The following ADORA2B variants were observed in gnomAD, a reference collection of about 807,000 sequenced individuals.
ADORA2B encodes adenosine receptor A2b.
A neutral mutation model predicts 20.8 loss-of-function variants in ADORA2B; 18 were observed. The observed-to-expected ratio is 0.87, with a 90% CI of 0.60 to 1.29. The LOEUF is 1.29. Ranked by LOEUF, ADORA2B falls within the 50% of genes most tolerant of loss-of-function variation. The pLI is 0.00. For synonymous variants in ADORA2B, 179 were observed against 178.3 expected (o/e 1.00, Z -0.03); for missense variants, 441 against 422.7 (o/e 1.04, Z -0.38).
At chr17:15,926,629 C>T in the ADORA2B span, among the ~76,000 whole-genome samples, 1 of 152,080 alleles carries the variant, frequency 6.6e-6, no homozygotes, top group Non-Finnish European at 1.5e-5. Context: ...TAGGGAATGG[C>T]TCATGAGAGA....
At chr17:15,914,139 A>G in the ADORA2B span, among the ~76,000 whole-genome samples, 638 of 152,354 alleles carry the variant, frequency 4.2e-3, 8 homozygotes, top group African/African-American at 0.015. Context: ...AGGCATTTCA[A>G]ACACACATTT....
the ADORA2B span, among the ~76,000 whole-genome samples, chr17:15,912,786 C>T: frequency 6.6e-6 from 1 of 152,368 alleles, no homozygotes; most frequent in African/African-American, 2.4e-5. Flanking sequence ...ACGATCTCTT[C>T]CGTATTTGCC....
rs1416189307 is a variant in ADORA2B at position 15,945,227 on chromosome 17, C to T, written c.-22C>T. ...CCGGCGCGCCTTCGGTAGGGGGCGC[C>T]CGGGGCCCAGCTGGCCCGGCCATGC... On this transcript the variant is annotated 5_prime_UTR_variant, in exon 1 of 2. Transcript: ENST00000304222. 1 of 1,388,706 alleles carries T rather than the reference C, an allele frequency of 7.2e-7. No homozygotes were observed. The highest frequency in any genetic ancestry group is 3.0e-5 in the East Asian group (1 of 33,846). The allele number at this position is 1,388,706 out of a possible 1,614,324, so 86.0% of individuals were successfully genotyped here. A position where few individuals can be genotyped will look rare whatever the true frequency, so the allele number is the denominator to read the frequency against.
At chr17:15,933,951 C>T in the ADORA2B span, among the ~76,000 whole-genome samples, 1 of 152,140 alleles carries the variant, frequency 6.6e-6, no homozygotes, top group South Asian at 2.1e-4. Context: ...GGAATGCTTG[C>T]AGTCTTTTAT....
intron 1 of ADORA2B, among the ~76,000 whole-genome samples, chr17:15,969,934 T>A (rs960151037): frequency 6.6e-6 from 1 of 152,248 alleles, no homozygotes; most frequent in African/African-American, 2.4e-5. Flanking sequence ...CTCATTTTCC[T>A]GCATGAAAGC....
chr17:15,866,911 A>G, the ADORA2B span, among the ~76,000 whole-genome samples: 3 of 151,870 alleles, frequency 2.0e-5, no homozygotes, highest in Non-Finnish European at 4.4e-5. Flanking sequence ...CAGCCTGCCG[A>G]GTGCCTGCGA....
chr17:15,877,769 T>C, the ADORA2B span, among the ~76,000 whole-genome samples: 17 of 152,072 alleles, frequency 1.1e-4, no homozygotes, highest in Non-Finnish European at 1.8e-4. Flanking sequence ...AACCCAGTCC[T>C]CCTGTTTTTA....
intron 1 of ADORA2B, among the ~76,000 whole-genome samples, chr17:15,964,743 A>T (rs1408108406): frequency 2.6e-5 from 4 of 151,512 alleles, no homozygotes; most frequent in African/African-American, 9.8e-5. Context: ...TACCATAGGA[A>T]ATCTGAAAAA....
At chr17:15,945,101 C>G (rs1177425749), upstream of ADORA2B, 4 of 642,654 alleles carry the variant, frequency 6.2e-6, no homozygotes, top group Non-Finnish European at 8.8e-6. Context: ...CCGTGGGTCC[C>G]GGCCACCAGC....
chr17:15,869,405 G>A, the ADORA2B span, among the ~76,000 whole-genome samples: 1 of 151,692 alleles, frequency 6.6e-6, no homozygotes, highest in Non-Finnish European at 1.5e-5. Context: ...TAGTAATCTA[G>A]TTTTTACTTG....
chr17:15,911,113 A>C, the ADORA2B span, among the ~76,000 whole-genome samples: 1 of 152,332 alleles, frequency 6.6e-6, no homozygotes, highest in Middle Eastern at 3.4e-3. Context: ...CAGGGCAGGC[A>C]GCCTGTGGGA....
the ADORA2B span, among the ~76,000 whole-genome samples, chr17:15,865,338 T>C: frequency 6.6e-6 from 1 of 151,926 alleles, no homozygotes; most frequent in Non-Finnish European, 1.5e-5. Flanking sequence ...CTCGGCTCAC[T>C]GCAACCTCTG....
chr17:15,920,631 G>C, the ADORA2B span, among the ~76,000 whole-genome samples: 1 of 150,148 alleles, frequency 6.7e-6, no homozygotes, highest in East Asian at 2.0e-4. Flanking sequence ...TGAGGCAGGA[G>C]AATCACTTGA....
intron 1 of ADORA2B, among the ~76,000 whole-genome samples, chr17:15,952,545 T>C (rs1969918805): frequency 6.6e-6 from 1 of 151,664 alleles, no homozygotes; most frequent in African/African-American, 2.4e-5. Context: ...CACCCCGAGG[T>C]CACCCCCAAA....
the ADORA2B span, among the ~76,000 whole-genome samples, chr17:15,857,906 A>C: frequency 1.3e-5 from 2 of 149,798 alleles, no homozygotes; most frequent in African/African-American, 4.9e-5. Context: ...TTTATGTTGT[A>C]GCATGAGACA....
At chr17:15,882,811 T>C in the ADORA2B span, among the ~76,000 whole-genome samples, 1 of 152,148 alleles carries the variant, frequency 6.6e-6, no homozygotes, top group Non-Finnish European at 1.5e-5. Flanking sequence ...TTTGTCGTCT[T>C]TCCTCCCATG....
chr17:15,922,203 T>C, the ADORA2B span, among the ~76,000 whole-genome samples: 2 of 152,212 alleles, frequency 1.3e-5, no homozygotes, highest in African/African-American at 4.8e-5. Flanking sequence ...ACTACTGTTA[T>C]CAGTATTTTG....
At chr17:15,972,894 G>A (rs1296483526) in intron 1 of ADORA2B, among the ~76,000 whole-genome samples, 2 of 152,010 alleles carry the variant, frequency 1.3e-5, no homozygotes, top group Admixed American at 1.3e-4. Flanking sequence ...GAAATAGCTG[G>A]AACCACAGAT....
At chr17:15,912,364 A>AG in the ADORA2B span, among the ~76,000 whole-genome samples, 3 of 150,200 alleles carry the variant, frequency 2.0e-5, no homozygotes, top group Non-Finnish European at 4.4e-5. Flanking sequence ...TGGGTGACAG[A>AG]GGGAGACCCT....
Sources: allele counts gnomAD v4.1 joint callset (sites outside exome capture counted in the v4.1 genomes callset), GRCh38; gene constraint gnomAD v4.1.1; transcripts MANE v1.5; gene names NCBI Gene and HGNC (gene_info 2026-07-23, HGNC 2026-07-21).